Variants in CDON observed in about 807,000 individuals in gnomAD.
CDON encodes cell adhesion molecule-related/down-regulated by oncogenes.
Under a neutral mutation model 120.9 loss-of-function variants are expected in CDON, and 73 were observed. The ratio of observed to expected loss-of-function variants is 0.60; its 90% CI spans 0.50 to 0.73. The LOEUF (loss-of-function observed/expected upper bound fraction) is 0.73, where lower values mean the gene tolerates loss of function less well. Ranked by LOEUF, CDON falls within the 30% of genes least tolerant of loss-of-function variation. CDON has a pLI of 0.00. For synonymous variants in CDON, 566 were observed against 573.5 expected, an observed-to-expected ratio of 0.99 and a Z score of 0.19; for missense variants, 1,470 against 1,587.3, an observed-to-expected ratio of 0.93 and a Z score of 1.26.
chr11:126,043,108 G>C (rs559032837), intron 1 of CDON, among the ~76,000 whole-genome samples: 1 of 152,168 alleles, frequency 6.6e-6, no homozygotes, highest in Non-Finnish European at 1.5e-5. Flanking sequence ...CTGGCTGTCC[G>C]CAACAAATCA....
At chr11:126,038,043 G>C (rs1235101132) in intron 1 of CDON, among the ~76,000 whole-genome samples, 1 of 152,062 alleles carries the variant, frequency 6.6e-6, no homozygotes, top group Non-Finnish European at 1.5e-5. Context: ...AAACATTTAA[G>C]TTCATCACTT....
At chr11:125,990,964 G>A (rs1946616494) in intron 14 of CDON, among the ~76,000 whole-genome samples, 1 of 152,130 alleles carries the variant, frequency 6.6e-6, no homozygotes, top group Non-Finnish European at 1.5e-5. Context: ...AAATGGAATA[G>A]ATCTGTCTCT....
intron 15 of CDON, among the ~76,000 whole-genome samples, chr11:125,987,546 A>G (rs1946504428): frequency 6.6e-6 from 1 of 152,244 alleles, no homozygotes. Context: ...AACATTTCAA[A>G]GATGTTTTTT....
At chr11:126,058,453 T>A (rs1428182764) in intron 1 of CDON, among the ~76,000 whole-genome samples, 2 of 152,174 alleles carry the variant, frequency 1.3e-5, no homozygotes, top group Non-Finnish European at 2.9e-5. Flanking sequence ...ATGCCCAGGA[T>A]TAAGGTGGAA....
At position 126,021,264 on chromosome 11, in the gene CDON, C is replaced by T. The variant is rs1947626546; in HGVS notation, c.333G>A (p.Ala111=). ...TAAACTCACCTGCCACAGATACTGT[C>T]GCAGGGCCACTCACAATGGCACCGA... ...NSIGAIVSGP[A]TVSVAVLGDF... is the part of the protein sequence containing the mutation. The change falls in exon 3 of 20, where the codon GCG becomes GCA. Residue 111 remains alanine, a synonymous_variant. Coordinates refer to ENST00000531738, the MANE Select transcript of CDON (RefSeq NM_001378964.1). The T allele has an allele frequency of 6.2e-7, 1 of 1,613,970 alleles. No individual in the cohort carries two copies. The highest frequency in any genetic ancestry group is 8.5e-7 in the Non-Finnish European group (1 of 1,179,936).
intron 1 of CDON, among the ~76,000 whole-genome samples, chr11:126,048,946 G>A (rs1215443193): frequency 6.6e-6 from 1 of 152,106 alleles, no homozygotes; most frequent in African/African-American, 2.4e-5. Flanking sequence ...CAGGTGATCC[G>A]CCCACCTCGG....
intron 1 of CDON, among the ~76,000 whole-genome samples, chr11:126,030,369 T>C (rs141184033): frequency 7.7e-4 from 118 of 152,350 alleles, no homozygotes; most frequent in African/African-American, 2.7e-3. Context: ...TTTGCTTTCA[T>C]AAGGATGATG....
chr11:125,967,668 A>G, intron 18 of CDON, among the ~76,000 whole-genome samples: 1 of 152,124 alleles, frequency 6.6e-6, no homozygotes, highest in East Asian at 1.9e-4. Context: ...TATTTTCTTT[A>G]TGGGTCTCAC....
intron 17 of CDON, among the ~76,000 whole-genome samples, chr11:125,979,347 T>C (rs528616689): frequency 6.6e-6 from 1 of 152,324 alleles, no homozygotes; most frequent in South Asian, 2.1e-4. Context: ...CAGGAATTAT[T>C]AAGAACATAT....
Position 125,956,921 on chromosome 11 carries a change from T to A in CDON, c.*4021A>T. ...GGTTTAAGGAAGGCTTATTTAAATA[T>A]GGGAAATAAAATACAAAAGGGCCAC... On this transcript the variant is annotated 3_prime_UTR_variant, in exon 20 of 20. Coordinates refer to ENST00000531738, the MANE Select transcript of CDON (RefSeq NM_001378964.1). 1.1e-6 allele frequency: 1 copy of A among 932,450 alleles called. No homozygotes were observed. The highest frequency in any genetic ancestry group is 1.3e-6 in the Non-Finnish European group (1 of 781,832). The allele number at this position is 932,450 out of a possible 1,614,324, so 57.8% of individuals were successfully genotyped here.
At chr11:126,056,274 G>A (rs952937790) in intron 1 of CDON, among the ~76,000 whole-genome samples, 2 of 152,218 alleles carry the variant, frequency 1.3e-5, no homozygotes, top group East Asian at 1.9e-4. Flanking sequence ...CTTTGAGGAC[G>A]CCTATAGATC....
intron 16 of CDON, 80 bp from the exon 17 acceptor site, chr11:125,981,409 C>T: frequency 7.0e-7 from 1 of 1,431,084 alleles, no homozygotes; most frequent in Non-Finnish European, 9.7e-7. Flanking sequence ...CACGCATGCA[C>T]ACATGCACAT....
intron 1 of CDON, among the ~76,000 whole-genome samples, chr11:126,028,838 T>C (rs558501537): frequency 7.2e-5 from 11 of 151,998 alleles, no homozygotes; most frequent in African/African-American, 2.7e-4. Context: ...TGTGTGTATA[T>C]ATATATATAT....
intron 8 of CDON, among the ~76,000 whole-genome samples, chr11:126,009,938 A>G (rs1947242930): frequency 1.3e-5 from 2 of 152,238 alleles, no homozygotes; most frequent in African/African-American, 4.8e-5. Context: ...ACATACAGGT[A>G]TTACTTAATA....
intron 1 of CDON, among the ~76,000 whole-genome samples, chr11:126,037,791 CT>C (rs1319620628): frequency 6.6e-5 from 10 of 152,164 alleles, no homozygotes; most frequent in Admixed American, 5.2e-4. Context: ...AGAACACTTA[CT>C]TAGTATGGCT....
chr11:126,036,282 TATTC>T (rs903849182), intron 1 of CDON, among the ~76,000 whole-genome samples: 5 of 152,212 alleles, frequency 3.3e-5, no homozygotes, highest in African/African-American at 1.2e-4. Context: ...TGACCCAATT[TATTC>T]ATTAATGACT....
Position 126,010,980 on chromosome 11 carries a change from A to G in CDON, c.1199-286T>C, listed in dbSNP as rs1011920838. 2.1e-4 allele frequency: 100 copies of G among 485,342 alleles called. No individual in the cohort carries two copies. The Admixed American group carries it at 2.3e-3, about 11-fold the overall frequency. The allele number at this position is 485,342 out of a possible 1,614,324, so 30.1% of individuals were successfully genotyped here. A position where few individuals can be genotyped will look rare whatever the true frequency, so the allele number is the denominator to read the frequency against. On this transcript the variant is annotated intron_variant, in intron 7 of 19. Transcript: ENST00000531738. Reference sequence around the variant, plus strand: ...TGAGAGTTTTCTGAAGGTACACTACACATATCTGACCACTGCAAATATAGA... The same window carrying G: ...TGAGAGTTTTCTGAAGGTACACTACGCATATCTGACCACTGCAAATATAGA...
intron 1 of CDON, among the ~76,000 whole-genome samples, chr11:126,049,319 A>C (rs1340036797): frequency 2.6e-5 from 4 of 152,186 alleles, no homozygotes; most frequent in African/African-American, 9.7e-5. Context: ...CCTTAATCAA[A>C]TTGCTTGACA....
At chr11:126,015,124 G>T (rs746208734) in intron 7 of CDON, 117 bp downstream of exon 7, 1 of 991,594 alleles carries the variant, frequency 1.0e-6, no homozygotes, top group Non-Finnish European at 1.6e-6. Context: ...AATGAACACC[G>T]TTCTTGTACG....
Sources: gnomAD v4.1 joint callset for allele counts (sites outside exome capture counted in the v4.1 genomes callset) on GRCh38, gnomAD v4.1.1 for gene constraint, MANE v1.5 for transcripts, NCBI Gene and HGNC (gene_info 2026-07-23, HGNC 2026-07-21) for gene names.